The following SYNJ1 variants were observed in gnomAD, a reference collection of about 807,000 sequenced individuals.
The protein encoded by SYNJ1 is polyphosphatidylinositol phosphatase SYNJ1.
A neutral mutation model predicts 168.2 loss-of-function variants in SYNJ1; 78 were observed. That is an observed-to-expected ratio of 0.46 (90% CI 0.39 to 0.56). The LOEUF (loss-of-function observed/expected upper bound fraction) is 0.56, where lower values mean the gene tolerates loss of function less well. SYNJ1 is among the 20% of genes least tolerant of loss of function. The pLI, the probability that SYNJ1 is intolerant of heterozygous loss-of-function variation, is 0.00. For synonymous variants in SYNJ1, 539 were observed against 548.6 expected (o/e 0.98, Z 0.24); for missense variants, 1,303 against 1,597.6 (o/e 0.82, Z 3.14).
intron 2 of SYNJ1, among the ~76,000 whole-genome samples, chr21:32,722,218 A>T (rs2043268051): frequency 6.9e-6 from 1 of 145,336 alleles, no homozygotes; most frequent in East Asian, 2.0e-4. Context: ...ATATATATAT[A>T]TATATATATA....
chr21:32,682,904 T>G (rs1248712963), intron 10 of SYNJ1, among the ~76,000 whole-genome samples: 1 of 152,146 alleles, frequency 6.6e-6, no homozygotes, highest in Non-Finnish European at 1.5e-5. Context: ...CCAACATGCT[T>G]GCTTTCATTT....
rs202044634 is a variant in SYNJ1 at position 32,694,317 on chromosome 21, GA to G, written c.706-7del. On this transcript the variant is annotated splice_region_variant and splice_polypyrimidine_tract_variant and intron_variant, in intron 5 of 32. Transcript: ENST00000674351. ...GAGTCATCTAAGTACACAACCTACA[GA>G]AAAAAAAATAATATGTAAACTATTT... is the stretch of plus-strand genomic sequence containing the variant. The G allele has an allele frequency of 3.7e-5, 55 of 1,494,478 alleles. No individual in the cohort carries two copies. The highest frequency in any genetic ancestry group is 1.5e-4 in the African/African-American group (10 of 68,772). The allele number at this position is 1,494,478 out of a possible 1,614,324, so 92.6% of individuals were successfully genotyped here.
chr21:32,696,847 T>C (rs1039201152), intron 4 of SYNJ1, among the ~76,000 whole-genome samples: 1 of 152,144 alleles, frequency 6.6e-6, no homozygotes, highest in Non-Finnish European at 1.5e-5. Flanking sequence ...GGAATATAAA[T>C]GAGTGATGAT....
chr21:32,692,297 C>T (rs918910402), intron 6 of SYNJ1, among the ~76,000 whole-genome samples: 22 of 152,176 alleles, frequency 1.4e-4, no homozygotes, highest in African/African-American at 4.1e-4. Context: ...GGATTCCTGG[C>T]CGGGCACGGT....
At chr21:32,659,946 G>A (rs1442327186) in intron 18 of SYNJ1, among the ~76,000 whole-genome samples, 2 of 152,186 alleles carry the variant, frequency 1.3e-5, no homozygotes, top group Non-Finnish European at 2.9e-5. Context: ...CTTGAGCAAT[G>A]CGGATCCTGA....
chr21:32,693,692 C>G (rs1037325153), intron 6 of SYNJ1, among the ~76,000 whole-genome samples: 2 of 152,152 alleles, frequency 1.3e-5, no homozygotes, highest in Non-Finnish European at 2.9e-5. Context: ...GGGCCAGGTG[C>G]TATTCTAAGT....
At chr21:32,707,901 C>T (rs544780204) in intron 2 of SYNJ1, among the ~76,000 whole-genome samples, 1 of 152,262 alleles carries the variant, frequency 6.6e-6, no homozygotes, top group African/African-American at 2.4e-5. Flanking sequence ...TCTGTAATCC[C>T]AGCTACTTGG....
chr21:32,675,540 G>C (rs546005515), intron 13 of SYNJ1, among the ~76,000 whole-genome samples: 1 of 151,968 alleles, frequency 6.6e-6, no homozygotes, highest in African/African-American at 2.4e-5. Context: ...TACCCTTCTC[G>C]AGAAAATAAT....
At chr21:32,675,155 C>T (rs1449166179) in intron 13 of SYNJ1, among the ~76,000 whole-genome samples, 3 of 152,130 alleles carry the variant, frequency 2.0e-5, no homozygotes. Flanking sequence ...CTGCTTGTTA[C>T]CAATGCGAAC....
chr21:32,690,848 G>C (rs2146129986), intron 6 of SYNJ1, among the ~76,000 whole-genome samples: 1 of 152,316 alleles, frequency 6.6e-6, no homozygotes, highest in Non-Finnish European at 1.5e-5. Flanking sequence ...CTTGAAGCCG[G>C]GAGGCGGAGG....
At chr21:32,696,692 AT>A (rs1261376989) in intron 4 of SYNJ1, among the ~76,000 whole-genome samples, 4 of 152,098 alleles carry the variant, frequency 2.6e-5, no homozygotes, top group Non-Finnish European at 5.9e-5. Context: ...ATGTAATAGC[AT>A]TATCTTGAAG....
intron 2 of SYNJ1, among the ~76,000 whole-genome samples, chr21:32,709,692 A>G (rs547332516): frequency 4.7e-4 from 71 of 151,230 alleles, no homozygotes; most frequent in African/African-American, 1.6e-3. Flanking sequence ...TAATTTTTGT[A>G]TTTTTAGTAG....
At chr21:32,719,905 C>G (rs2043158630) in intron 2 of SYNJ1, among the ~76,000 whole-genome samples, 1 of 151,032 alleles carries the variant, frequency 6.6e-6, no homozygotes, top group Non-Finnish European at 1.5e-5. Flanking sequence ...ATTTAATAAA[C>G]AGAACTATTA....
chr21:32,638,207 C>T (rs1001694458), intron 31 of SYNJ1, among the ~76,000 whole-genome samples: 1 of 152,038 alleles, frequency 6.6e-6, no homozygotes, highest in African/African-American at 2.4e-5. Flanking sequence ...TAGCCAGGAC[C>T]ACAGGTGCAT....
chr21:32,727,490 C>A (rs2043517884), intron 1 of SYNJ1, among the ~76,000 whole-genome samples: 1 of 151,936 alleles, frequency 6.6e-6, no homozygotes, highest in Non-Finnish European at 1.5e-5. Flanking sequence ...GGGCTACCGC[C>A]GGCTGGGGGG....
intron 2 of SYNJ1, among the ~76,000 whole-genome samples, chr21:32,716,454 T>A (rs1391728775): frequency 6.6e-6 from 1 of 152,238 alleles, no homozygotes; most frequent in African/African-American, 2.4e-5. Context: ...TTTGGTTTCT[T>A]CCTTCCAGTA....
At chr21:32,719,056 C>T (rs2043123218) in intron 2 of SYNJ1, among the ~76,000 whole-genome samples, 1 of 152,216 alleles carries the variant, frequency 6.6e-6, no homozygotes, top group African/African-American at 2.4e-5. Context: ...TCTTTCCAAT[C>T]CTCAGTTTCC....
intron 9 of SYNJ1, among the ~76,000 whole-genome samples, chr21:32,685,399 C>T (rs1456705427): frequency 1.8e-5 from 2 of 108,138 alleles, no homozygotes; most frequent in African/African-American, 7.5e-5. Context: ...CCAGCCAGGG[C>T]AATACAGGGA....
intron 19 of SYNJ1, 75 bp from the exon 20 acceptor site, chr21:32,657,195 T>C (rs763477531): frequency 3.8e-5 from 37 of 985,110 alleles, no homozygotes; most frequent in Non-Finnish European, 5.6e-5. Context: ...AGAGGCATTC[T>C]CCTTCCTTTC....
Sources: gnomAD v4.1 joint callset for allele counts (sites outside exome capture counted in the v4.1 genomes callset) on GRCh38, gnomAD v4.1.1 for gene constraint, MANE v1.5 for transcripts, NCBI Gene and HGNC (gene_info 2026-07-23, HGNC 2026-07-21) for gene names.